ZNF704: variants seen among roughly 807,000 people sequenced by gnomAD.
The protein encoded by ZNF704 is zinc finger protein 704, also known as glucocorticoid induced gene 1.
A neutral mutation model predicts 44.7 loss-of-function variants in ZNF704; 10 were observed. The observed-to-expected ratio is 0.22, with a 90% CI of 0.14 to 0.38. The LOEUF (loss-of-function observed/expected upper bound fraction) is 0.38. Among genes scored for constraint, ZNF704 ranks in the 10% least tolerant of loss-of-function variants. The probability of loss-of-function intolerance (pLI) is 1.00; values close to 1 mark genes in which losing one functional copy is unlikely to be tolerated. For missense variants in ZNF704, 390 were observed against 545.5 expected (o/e 0.71, Z 2.84); for synonymous variants, 211 against 207.6 (o/e 1.02, Z -0.14).
intron 2 of ZNF704, among the ~76,000 whole-genome samples, chr8:80,709,633 T>C (rs74925125): frequency 6.6e-6 from 1 of 151,960 alleles, no homozygotes; most frequent in Non-Finnish European, 1.5e-5. Context: ...GTTTGACCCC[T>C]GTGAGAAAGG....
At chr8:80,860,847 G>T (rs1386303686) in intron 1 of ZNF704, among the ~76,000 whole-genome samples, 1 of 152,200 alleles carries the variant, frequency 6.6e-6, no homozygotes, top group Non-Finnish European at 1.5e-5. Flanking sequence ...AATGATTGAA[G>T]TCCATTCCTT....
intron 7 of ZNF704, among the ~76,000 whole-genome samples, chr8:80,651,555 C>G (rs1433555482): frequency 1.3e-5 from 2 of 152,066 alleles, no homozygotes; most frequent in African/African-American, 2.4e-5. Context: ...CAACAAAGAT[C>G]AAAAGAGACA....
At chr8:80,698,763 C>A (rs917733581) in intron 2 of ZNF704, among the ~76,000 whole-genome samples, 1 of 152,190 alleles carries the variant, frequency 6.6e-6, no homozygotes, top group Non-Finnish European at 1.5e-5. Context: ...CAGAGGCAGC[C>A]CGGCCAGGTC....
chr8:80,659,837 G>A, intron 6 of ZNF704, 148 bp from the exon 7 acceptor site: 1 of 637,148 alleles, frequency 1.6e-6, no homozygotes, highest in South Asian at 2.4e-5. Flanking sequence ...ATTAAACAAG[G>A]TTAAAGGGAG....
At chr8:80,757,138 G>T (rs1807049057) in intron 2 of ZNF704, among the ~76,000 whole-genome samples, 1 of 152,186 alleles carries the variant, frequency 6.6e-6, no homozygotes, top group Admixed American at 6.5e-5. Context: ...GCCTGAGGCA[G>T]GTCCTTTAGA....
intron 2 of ZNF704, among the ~76,000 whole-genome samples, chr8:80,706,548 T>C (rs1031804051): frequency 3.3e-5 from 5 of 152,350 alleles, no homozygotes; most frequent in African/African-American, 1.2e-4. Context: ...GCCACCCATA[T>C]TGGGCTCCCC....
At chr8:80,713,558 G>A (rs770628061) in intron 2 of ZNF704, among the ~76,000 whole-genome samples, 2 of 152,142 alleles carry the variant, frequency 1.3e-5, no homozygotes, top group South Asian at 4.2e-4. Flanking sequence ...GATAAAATTC[G>A]TATCAGGCAA....
At chr8:80,774,571 G>C (rs182337267) in intron 2 of ZNF704, among the ~76,000 whole-genome samples, 16 of 152,232 alleles carry the variant, frequency 1.1e-4, no homozygotes, top group Non-Finnish European at 2.2e-4. Context: ...CACCATGAAG[G>C]GAAAGGGGTA....
At chr8:80,825,632 A>G (rs1435574079) in intron 1 of ZNF704, among the ~76,000 whole-genome samples, 1 of 152,238 alleles carries the variant, frequency 6.6e-6, no homozygotes, top group Non-Finnish European at 1.5e-5. Flanking sequence ...CACTCTTCTC[A>G]GCACCACACT....
chr8:80,760,355 C>T (rs1462174714), intron 2 of ZNF704, among the ~76,000 whole-genome samples: 2 of 152,026 alleles, frequency 1.3e-5, no homozygotes, highest in Non-Finnish European at 2.9e-5. Flanking sequence ...TCTGTTCTTG[C>T]ATTGCTATAA....
intron 2 of ZNF704, among the ~76,000 whole-genome samples, chr8:80,748,352 G>T (rs1326844734): frequency 2.0e-5 from 3 of 152,194 alleles, no homozygotes; most frequent in Admixed American, 6.5e-5. Flanking sequence ...CTGGTGAAGT[G>T]AGAATGGGGA....
chr8:80,880,628 C>T, the ZNF704 span, among the ~76,000 whole-genome samples: 1 of 151,996 alleles, frequency 6.6e-6, no homozygotes, highest in Non-Finnish European at 1.5e-5. Context: ...GTTTATGGAG[C>T]TAGTAGGGTA....
intron 2 of ZNF704, among the ~76,000 whole-genome samples, chr8:80,701,601 T>A (rs1271493625): frequency 6.6e-6 from 1 of 152,038 alleles, no homozygotes; most frequent in African/African-American, 2.4e-5. Flanking sequence ...TTCTCCCCAC[T>A]TACATGCAAG....
chr8:80,693,984 G>T (rs897585875), intron 2 of ZNF704, among the ~76,000 whole-genome samples: 1 of 152,120 alleles, frequency 6.6e-6, no homozygotes, highest in Non-Finnish European at 1.5e-5. Context: ...GGCGAGCTTG[G>T]ACTAGGGTGG....
At chr8:80,882,030 G>A in the ZNF704 span, among the ~76,000 whole-genome samples, 3 of 152,196 alleles carry the variant, frequency 2.0e-5, no homozygotes, top group Non-Finnish European at 4.4e-5. Flanking sequence ...AGAATATTGT[G>A]TCAAGCTGTG....
intron 7 of ZNF704, chr8:80,645,111 T>C: frequency 1.9e-6 from 3 of 1,599,134 alleles, no homozygotes; most frequent in Non-Finnish European, 2.6e-6. Flanking sequence ...CAGCATGACA[T>C]GTCGATACTC....
rs1482129895 is a variant in ZNF704 at position 80,664,818 on chromosome 8, G to A, written c.924C>T (p.Tyr308=). 6.2e-7 allele frequency: 1 copy of A among 1,614,120 alleles called. No homozygotes were observed. The highest frequency in any genetic ancestry group is 1.7e-5 in the Admixed American group (1 of 60,020). The change falls in exon 6 of 9, where the codon TAC becomes TAT. Residue 308 remains tyrosine (Y), a synonymous_variant. Transcript: ENST00000327835. ...CTCACAGTCCCCTGCAAGTCACCTGGTAAGCATGGTCAGTGTGCACGAGGT... is the reference window on the plus strand; with the variant it reads ...CTCACAGTCCCCTGCAAGTCACCTGATAAGCATGGTCAGTGTGCACGAGGT... ...TLYLVHTDHA[Y]QATPPVTIPG...
At chr8:80,751,760 T>C (rs1806948037) in intron 2 of ZNF704, among the ~76,000 whole-genome samples, 1 of 152,184 alleles carries the variant, frequency 6.6e-6, no homozygotes, top group Non-Finnish European at 1.5e-5. Flanking sequence ...TGTTTGTTTG[T>C]TTTTGAGACA....
intron 5 of ZNF704, among the ~76,000 whole-genome samples, chr8:80,667,666 G>A (rs950402831): frequency 3.3e-5 from 5 of 152,208 alleles, no homozygotes; most frequent in Non-Finnish European, 5.9e-5. Flanking sequence ...ATTTGGCAGA[G>A]GGTAGGTACC....
Sources: gnomAD v4.1 joint callset for allele counts (sites outside exome capture counted in the v4.1 genomes callset) on GRCh38, gnomAD v4.1.1 for gene constraint, MANE v1.5 for transcripts, NCBI Gene and HGNC (gene_info 2026-07-23, HGNC 2026-07-21) for gene names.